Variants in EXT2 observed in about 807,000 individuals in gnomAD.
The protein encoded by EXT2 is exostosin-2.
Under a neutral mutation model 81.6 loss-of-function variants are expected in EXT2, and 53 were observed. The observed-to-expected ratio is 0.65, with a 90% CI of 0.52 to 0.82. The LOEUF (loss-of-function observed/expected upper bound fraction) is 0.82, where lower values mean the gene tolerates loss of function less well. EXT2 is among the 40% of genes least tolerant of loss of function. The probability of loss-of-function intolerance (pLI) is 0.00; values close to 1 mark genes in which losing one functional copy is unlikely to be tolerated. For synonymous variants in EXT2, 320 were observed against 340.0 expected, an observed-to-expected ratio of 0.94 and a Z score of 0.65; for missense variants, 774 against 910.2, an observed-to-expected ratio of 0.85 and a Z score of 1.93.
intron 9 of EXT2, among the ~76,000 whole-genome samples, chr11:44,198,670 C>T (rs1486556244): frequency 6.6e-6 from 1 of 152,126 alleles, no homozygotes. Flanking sequence ...GATCCTAATC[C>T]CAGGGACTTC....
intron 3 of EXT2, among the ~76,000 whole-genome samples, chr11:44,110,484 G>C (rs1954127676): frequency 6.6e-6 from 1 of 152,176 alleles, no homozygotes; most frequent in African/African-American, 2.4e-5. Context: ...AGGTGTGCCT[G>C]TTCCTGAGTG....
rs1021816947 is a variant in EXT2 at position 44,250,152 on chromosome 11, A to G, written c.*5865A>G. On this transcript the variant is annotated 3_prime_UTR_variant, in exon 14 of 14. Transcript: ENST00000533608. Reference sequence around the variant, plus strand: ...TAGAGTTGACTAAGACAGTGTCCCTATCCTGTTCTTGAGCTCCAGTTCTAG... The same window carrying G: ...TAGAGTTGACTAAGACAGTGTCCCTGTCCTGTTCTTGAGCTCCAGTTCTAG... Among the ~76,000 whole-genome samples the G allele has an allele frequency of 1.3e-5, 2 of 152,206 alleles. No homozygotes were observed. The highest frequency in any genetic ancestry group is 2.4e-5 in the African/African-American group (1 of 41,448).
Position 44,206,442 on chromosome 11 carries a change from C to T in EXT2, c.1496-351C>T, listed in dbSNP as rs952348906. Among the ~76,000 whole-genome samples, 9 of 152,112 alleles carry T rather than the reference C, an allele frequency of 5.9e-5. No homozygotes were observed. In the South Asian group the frequency reaches 6.2e-4, roughly 11 times the overall value. On this transcript the variant is annotated intron_variant, in intron 9 of 13. Transcript: ENST00000533608. Reference sequence around the variant, plus strand: ...CTCTTCCTGTCATTGTGACCTTGGTCGAGTCGTTTTGCTTCTCTGCCTCTC... The same window carrying T: ...CTCTTCCTGTCATTGTGACCTTGGTTGAGTCGTTTTGCTTCTCTGCCTCTC...
chr11:44,244,130 T>C lies in EXT2; in HGVS notation c.2019-19T>C. The C allele has an allele frequency of 1.2e-6, 2 of 1,613,306 alleles. No individual in the cohort carries two copies. The highest frequency in any genetic ancestry group is 1.7e-6 in the Non-Finnish European group (2 of 1,179,510). On this transcript the variant is annotated intron_variant, in intron 13 of 13. Transcript: ENST00000533608. ...TCTGCTCAAACCCCTCCTCCCCACC[T>C]CCTCTCCAAATCCCACAGGTCAGAG...
At position 44,250,723 on chromosome 11, in the gene EXT2, G is replaced by A. The variant is rs757869465; in HGVS notation, c.*6436G>A. 6.6e-5 allele frequency among the ~76,000 whole-genome samples: 10 copies of A among 152,198 alleles called. No individual in the cohort carries two copies. Among genetic ancestry groups the A allele is most frequent in the Admixed American group, 2.0e-4 (3 of 15,280 alleles). On this transcript the variant is annotated 3_prime_UTR_variant, in exon 14 of 14. Transcript: ENST00000533608. ...AGAGCGTCCATCCGGTGCCTGGTGA[G>A]GGCCCTGCATGGCTGGCTGCTGTCT...
intron 3 of EXT2, among the ~76,000 whole-genome samples, chr11:44,113,252 A>G (rs1013837820): frequency 6.6e-6 from 1 of 152,198 alleles, no homozygotes; most frequent in Admixed American, 6.5e-5. Context: ...GTAGGTTGTC[A>G]TCAGGGCAGG....
chr11:44,238,915 T>G (rs1956002642), intron 13 of EXT2, among the ~76,000 whole-genome samples: 1 of 152,100 alleles, frequency 6.6e-6, no homozygotes, highest in Non-Finnish European at 1.5e-5. Context: ...GGAGCTAGAT[T>G]TTTTTTTCCT....
intron 8 of EXT2, among the ~76,000 whole-genome samples, chr11:44,179,713 C>G (rs1333731435): frequency 1.3e-5 from 2 of 152,134 alleles, no homozygotes; most frequent in Non-Finnish European, 2.9e-5. Flanking sequence ...AATTTTGTTT[C>G]CGTTTCTAAT....
chr11:44,197,241 C>T (rs1955465780), intron 8 of EXT2, among the ~76,000 whole-genome samples: 1 of 152,046 alleles, frequency 6.6e-6, no homozygotes, highest in East Asian at 1.9e-4. Context: ...TCTAACTGCT[C>T]CTTAAACAGA....
chr11:44,228,165 G>C (rs1012704222), intron 10 of EXT2, among the ~76,000 whole-genome samples: 1 of 152,120 alleles, frequency 6.6e-6, no homozygotes, highest in African/African-American at 2.4e-5. Context: ...CCAAAGATGC[G>C]TGCAATTTAA....
intron 7 of EXT2, among the ~76,000 whole-genome samples, chr11:44,161,779 T>C (rs1261298583): frequency 6.6e-6 from 1 of 152,208 alleles, no homozygotes; most frequent in Non-Finnish European, 1.5e-5. Flanking sequence ...ATAAGTCATA[T>C]TGGTAGCATA....
intron 8 of EXT2, among the ~76,000 whole-genome samples, chr11:44,175,445 C>T (rs1226641560): frequency 6.6e-6 from 1 of 150,678 alleles, no homozygotes; most frequent in Admixed American, 6.6e-5. Context: ...GGCAGCACAA[C>T]TCAATCCTTC....
chr11:44,171,541 T>C (rs1955073253), intron 7 of EXT2, 70 bp from the exon 8 acceptor site: 28 of 1,610,606 alleles, frequency 1.7e-5, no homozygotes, highest in Non-Finnish European at 2.2e-5. Flanking sequence ...TGGAGTTGAC[T>C]ATGATAGAGT....
chr11:44,108,046 A>G lies in EXT2; in HGVS notation c.334A>G (p.Lys112Glu). The change falls in exon 2 of 14, where the codon AAA becomes GAA. Residue 112 changes from lysine (K) to glutamate (E), a missense_variant. Around this residue, in one of 2 missense-constraint regions of EXT2, gnomAD observed 626 missense variants for 670.5 expected, o/e 0.93. Coordinates refer to ENST00000533608, the MANE Select transcript of EXT2 (RefSeq NM_207122.2). ...AATCAAGGTGTATATCTATGCTCTG[A>G]AAAAGTACGTGGATGACTTTGGCGT... ...NKIKVYIYAL[K>E]KYVDDFGVSV... 1 of 1,614,220 alleles carries G rather than the reference A, an allele frequency of 6.2e-7. No individual in the cohort carries two copies. Among genetic ancestry groups the G allele is most frequent in the Non-Finnish European group, 8.5e-7 (1 of 1,180,034 alleles).
chr11:44,224,458 G>C (rs1955817945), intron 10 of EXT2, among the ~76,000 whole-genome samples: 1 of 151,504 alleles, frequency 6.6e-6, no homozygotes, highest in African/African-American at 2.4e-5. Context: ...TGATACTTTG[G>C]ACTTTAGTTT....
At chr11:44,212,040 C>CTGGGA (rs1955654127) in intron 10 of EXT2, among the ~76,000 whole-genome samples, 1 of 152,060 alleles carries the variant, frequency 6.6e-6, no homozygotes, top group Non-Finnish European at 1.5e-5. Context: ...AATCCCAGCA[C>CTGGGA]TTTGGGAGGC....
At chr11:44,230,849 A>T (rs771782613) in intron 10 of EXT2, among the ~76,000 whole-genome samples, 3 of 152,184 alleles carry the variant, frequency 2.0e-5, no homozygotes, top group Non-Finnish European at 2.9e-5. Flanking sequence ...TGAAAAGGGC[A>T]TAGGGTCCAA....
intron 8 of EXT2, among the ~76,000 whole-genome samples, chr11:44,178,503 A>G: frequency 6.6e-6 from 1 of 152,330 alleles, no homozygotes; most frequent in East Asian, 1.9e-4. Context: ...GCCTATACTT[A>G]GATGTCCAGA....
intron 10 of EXT2, among the ~76,000 whole-genome samples, chr11:44,222,031 G>A (rs997680607): frequency 1.3e-5 from 2 of 152,114 alleles, no homozygotes; most frequent in Non-Finnish European, 2.9e-5. Context: ...CTCATCTCTC[G>A]ATCATATTTA....
Sources: allele counts gnomAD v4.1 joint callset (sites outside exome capture counted in the v4.1 genomes callset), GRCh38; gene constraint gnomAD v4.1.1; regional missense constraint gnomAD v4.1.1; transcripts MANE v1.5; gene names NCBI Gene and HGNC (gene_info 2026-07-23, HGNC 2026-07-21).